The following SETBP1 variants were observed in gnomAD, a reference collection of about 807,000 sequenced individuals.
The protein encoded by SETBP1 is SET binding protein 1, also known as SET-binding protein.
SETBP1 carries 9 observed loss-of-function variants against 101.0 expected under a neutral mutation model. The ratio of observed to expected loss-of-function variants is 0.09; its 90% CI spans 0.05 to 0.16. SETBP1 has a LOEUF of 0.16. SETBP1 is among the 10% of genes least tolerant of loss of function. The pLI, the probability that SETBP1 is intolerant of heterozygous loss-of-function variation, is 1.00. For synonymous variants in SETBP1, 818 were observed against 788.5 expected (o/e 1.04, Z -0.63); for missense variants, 1,858 against 2,033.8 (o/e 0.91, Z 1.66).
intron 1 of SETBP1, among the ~76,000 whole-genome samples, chr18:44,696,060 A>G (rs1378659337): frequency 6.6e-6 from 1 of 152,178 alleles, no homozygotes; most frequent in African/African-American, 2.4e-5. Flanking sequence ...CACCTGGGCA[A>G]AGCAGAAGAG....
rs1334068703 is a variant in SETBP1 at position 44,952,947 on chromosome 18, A to G, written c.3607A>G (p.Lys1203Glu). 1 of 1,614,186 alleles carries G rather than the reference A, an allele frequency of 6.2e-7. No homozygotes were observed. The highest frequency in any genetic ancestry group is 1.7e-5 in the Admixed American group (1 of 60,028). ...CAAAGAGCTCCCGCTGGTGAGTGAGAAGAACAAGCATAAGGAGAAACAGAA... is the reference window on the plus strand; with the variant it reads ...CAAAGAGCTCCCGCTGGTGAGTGAGGAGAACAAGCATAAGGAGAAACAGAA... ...ADKELPLVSE[K>E]NKHKEKQKHQ... The change falls in exon 4 of 6, where the codon AAG becomes GAG. Residue 1203 changes from lysine to glutamate, a missense_variant. Physicochemically the swap from Lys to Glu is moderately conservative, Grantham distance 56. Transcript: ENST00000649279.
intron 1 of SETBP1, among the ~76,000 whole-genome samples, chr18:44,684,119 G>A (rs1182630793): frequency 2.0e-5 from 3 of 152,162 alleles, no homozygotes; most frequent in African/African-American, 4.8e-5. Flanking sequence ...TGGTCCTGGG[G>A]TTCCTGTGAA....
chr18:44,935,357 C>T (rs773687438), intron 3 of SETBP1, among the ~76,000 whole-genome samples: 9 of 152,098 alleles, frequency 5.9e-5, no homozygotes, highest in African/African-American at 9.7e-5. Context: ...GGGAAACATG[C>T]GGTAAAGAGG....
At chr18:44,748,221 G>A (rs2070303332) in intron 2 of SETBP1, among the ~76,000 whole-genome samples, 1 of 151,484 alleles carries the variant, frequency 6.6e-6, no homozygotes. Flanking sequence ...AAGGAAGGAA[G>A]CCATTTCACT....
At chr18:44,904,588 C>G (rs368138114) in intron 3 of SETBP1, among the ~76,000 whole-genome samples, 49 of 152,272 alleles carry the variant, frequency 3.2e-4, no homozygotes, top group African/African-American at 1.1e-3. Flanking sequence ...TAGCTAATTA[C>G]AGAGCACAGG....
chr18:44,917,892 T>C (rs114427365), intron 3 of SETBP1, among the ~76,000 whole-genome samples: 3 of 151,280 alleles, frequency 2.0e-5, no homozygotes, highest in Non-Finnish European at 4.4e-5. Context: ...GAGAAGGAAA[T>C]AGAAGGGGAA....
At chr18:44,714,359 G>A (rs1203371800) in intron 2 of SETBP1, among the ~76,000 whole-genome samples, 2 of 151,954 alleles carry the variant, frequency 1.3e-5, no homozygotes, top group African/African-American at 4.8e-5. Flanking sequence ...CCACAACACC[G>A]GGCTAATTTA....
In SETBP1 at chr18:44,973,901, G is replaced by A. The variant is rs147130330; in HGVS notation, c.4000+20561G>A. On this transcript the variant is annotated intron_variant, in intron 4 of 5. Coordinates refer to ENST00000649279, the MANE Select transcript of SETBP1 (RefSeq NM_015559.3). ...TTAAGCTGGCAGAGGGGGGAGTAGG[G>A]GTTAATATTCTCTGAGTCGTGCCTT... Among the ~76,000 whole-genome samples the A allele has an allele frequency of 1.0e-3, 159 of 152,236 alleles. 1 individual carries two copies. Among genetic ancestry groups the A allele is most frequent in the African/African-American group, 3.2e-3 (134 of 41,540 alleles).
At chr18:44,867,944 G>T (rs2069166484) in intron 2 of SETBP1, among the ~76,000 whole-genome samples, 1 of 152,196 alleles carries the variant, frequency 6.6e-6, no homozygotes, top group East Asian at 1.9e-4. Flanking sequence ...CAAACATGAA[G>T]TCTTTCCTAT....
intron 4 of SETBP1, among the ~76,000 whole-genome samples, chr18:44,954,673 A>C (rs2071445666): frequency 6.6e-6 from 1 of 152,208 alleles, no homozygotes; most frequent in Admixed American, 6.5e-5. Flanking sequence ...CTCCTTGGTT[A>C]ATGAAGAAAC....
intron 3 of SETBP1, among the ~76,000 whole-genome samples, chr18:44,907,320 G>A (rs111371978): frequency 1.3e-5 from 2 of 152,148 alleles, no homozygotes; most frequent in Non-Finnish European, 2.9e-5. Context: ...GAACATTTAT[G>A]TAGAAGTTTT....
chr18:44,848,173 A>G (rs143930309), intron 2 of SETBP1, among the ~76,000 whole-genome samples: 57 of 152,264 alleles, frequency 3.7e-4, no homozygotes, highest in Admixed American at 2.8e-3. Context: ...GGGTAAGAAG[A>G]ACAGCAAAGA....
chr18:44,900,895 G>C (rs761542837), intron 3 of SETBP1, among the ~76,000 whole-genome samples: 15 of 152,180 alleles, frequency 9.9e-5, no homozygotes, highest in Non-Finnish European at 1.6e-4. Flanking sequence ...ACCAGGAAGG[G>C]TGTGGATTTG....
chr18:44,728,614 A>C (rs1304754571), intron 2 of SETBP1, among the ~76,000 whole-genome samples: 2 of 152,218 alleles, frequency 1.3e-5, no homozygotes, highest in Non-Finnish European at 2.9e-5. Flanking sequence ...AGGCAAATAA[A>C]ATGGTAATTA....
At chr18:44,697,359 GTTTC>G (rs1314112494) in intron 1 of SETBP1, 1 of 152,218 alleles carries the variant, frequency 6.6e-6, no homozygotes, top group Non-Finnish European at 1.5e-5. Flanking sequence ...TTTCTTTGCT[GTTTC>G]TTTTGAAAAC....
chr18:44,898,156 C>T (rs998353895), intron 3 of SETBP1, among the ~76,000 whole-genome samples: 15 of 152,242 alleles, frequency 9.9e-5, no homozygotes, highest in Admixed American at 7.8e-4. Context: ...CTTTCTGGAT[C>T]CCACAGCAGT....
chr18:44,766,552 G>A (rs2070766989), intron 2 of SETBP1, among the ~76,000 whole-genome samples: 2 of 152,262 alleles, frequency 1.3e-5, no homozygotes, highest in South Asian at 4.2e-4. Flanking sequence ...AAGGGAAGGA[G>A]GGGTTCTTCT....
intron 2 of SETBP1, among the ~76,000 whole-genome samples, chr18:44,845,965 C>A (rs1235994686): frequency 6.6e-6 from 1 of 152,180 alleles, no homozygotes; most frequent in African/African-American, 2.4e-5. Context: ...ATTTGGCTTT[C>A]CTTCTGTGCC....
intron 2 of SETBP1, among the ~76,000 whole-genome samples, chr18:44,813,890 C>G (rs577702741): frequency 1.3e-5 from 2 of 152,280 alleles, no homozygotes; most frequent in South Asian, 4.2e-4. Context: ...CTGGAACCTC[C>G]AAATCTCCTG....
Sources: allele counts gnomAD v4.1 joint callset (sites outside exome capture counted in the v4.1 genomes callset), GRCh38; gene constraint gnomAD v4.1.1; transcripts MANE v1.5; gene names NCBI Gene and HGNC (gene_info 2026-07-23, HGNC 2026-07-21).